Variants in TSHZ2 observed in about 807,000 individuals in gnomAD.
TSHZ2 encodes the protein teashirt homolog 2.
TSHZ2 carries 21 observed loss-of-function variants against 74.4 expected under a neutral mutation model. The ratio of observed to expected loss-of-function variants is 0.28; its 90% CI spans 0.20 to 0.41. The LOEUF (loss-of-function observed/expected upper bound fraction) is 0.41. Ranked by LOEUF, TSHZ2 falls within the 10% of genes least tolerant of loss-of-function variation. The pLI is 1.00. For synonymous variants in TSHZ2, 540 were observed against 515.3 expected (o/e 1.05, Z -0.65); for missense variants, 1,244 against 1,293.5 (o/e 0.96, Z 0.59).
intron 1 of TSHZ2, among the ~76,000 whole-genome samples, chr20:53,116,509 G>T (rs151123402): frequency 6.6e-6 from 1 of 151,946 alleles, no homozygotes; most frequent in Non-Finnish European, 1.5e-5. Context: ...TCCACCCCAC[G>T]GCTGGTACAC....
chr20:53,013,091 G>A (rs6022211), intron 1 of TSHZ2, among the ~76,000 whole-genome samples: 10,162 of 152,142 alleles, frequency 0.067, 344 homozygotes, highest in East Asian at 0.087. Context: ...TTTCATCTCA[G>A]TGTGATTGGA....
In TSHZ2 at chr20:53,095,121, G is replaced by C. The variant is rs548593311; in HGVS notation, c.40+121788G>C. Among the ~76,000 whole-genome samples the C allele has an allele frequency of 1.2e-4, 19 of 152,276 alleles. No homozygotes were observed. In the South Asian group the frequency reaches 3.9e-3, roughly 32 times the overall value. ...CAACTCAAAAGTCTAGGACAAGCTG[G>C]CTTCAGGTACTGCTGGTTCAAGCCA... On this transcript the variant is annotated intron_variant, in intron 1 of 2. Transcript: ENST00000371497.
At chr20:53,176,632 C>T (rs16997700) in intron 1 of TSHZ2, among the ~76,000 whole-genome samples, 2,064 of 151,874 alleles carry the variant, frequency 0.014, 46 homozygotes, top group African/African-American at 0.047. Context: ...GTGATTTAAT[C>T]AACATTGTTA....
chr20:53,347,584 C>T (rs1980486687), intron 2 of TSHZ2, among the ~76,000 whole-genome samples: 2 of 152,058 alleles, frequency 1.3e-5, no homozygotes, highest in South Asian at 4.1e-4. Flanking sequence ...TCTGTCTCTA[C>T]TCAATAAACC....
Position 53,074,163 on chromosome 20 carries a change from T to C in TSHZ2, c.40+100830T>C, listed in dbSNP as rs998337661. Among the ~76,000 whole-genome samples the C allele has an allele frequency of 6.6e-6, 1 of 152,254 alleles. No homozygotes were observed. The highest frequency in any genetic ancestry group is 2.4e-5 in the African/African-American group (1 of 41,470). Reference sequence around the variant, plus strand: ...TATCTTTTAAACTGCTGTTCAAATGTCGCCTTCTCAATGGAGCCCTCCTTG... The same window carrying C: ...TATCTTTTAAACTGCTGTTCAAATGCCGCCTTCTCAATGGAGCCCTCCTTG... On this transcript the variant is annotated intron_variant, in intron 1 of 2. Transcript: ENST00000371497. This position sits in a 1 kb window ranked among gnomAD's most constrained non-coding sequence, Gnocchi z 5.9.
chr20:53,402,955 A>AT (rs1169707554), intron 2 of TSHZ2, among the ~76,000 whole-genome samples: 2 of 152,154 alleles, frequency 1.3e-5, no homozygotes, highest in African/African-American at 4.8e-5. Flanking sequence ...TTCAGCTTTT[A>AT]TTTCAGATAC....
intron 1 of TSHZ2, among the ~76,000 whole-genome samples, chr20:53,158,746 G>A (rs1462437633): frequency 1.3e-5 from 2 of 152,144 alleles, no homozygotes; most frequent in African/African-American, 4.8e-5. Flanking sequence ...CCCAACCATG[G>A]AGGGACAAGC....
chr20:53,418,791 G>A (rs1313613681), intron 2 of TSHZ2, among the ~76,000 whole-genome samples: 1 of 152,100 alleles, frequency 6.6e-6, no homozygotes, highest in Non-Finnish European at 1.5e-5. Flanking sequence ...ACCTGAACCT[G>A]AAGTACTCTC....
chr20:53,232,517 C>T (rs969907307), intron 1 of TSHZ2, among the ~76,000 whole-genome samples: 2 of 152,146 alleles, frequency 1.3e-5, no homozygotes, highest in African/African-American at 2.4e-5. Context: ...GACATTTCTG[C>T]AGAAACTTAG....
chr20:53,230,164 T>C (rs558980921), intron 1 of TSHZ2, among the ~76,000 whole-genome samples: 49 of 152,186 alleles, frequency 3.2e-4, no homozygotes, highest in Admixed American at 7.2e-4. Flanking sequence ...CATTTGCTTT[T>C]TTCATATATT....
intron 1 of TSHZ2, among the ~76,000 whole-genome samples, chr20:53,243,395 T>C (rs1367807415): frequency 6.6e-6 from 1 of 152,160 alleles, no homozygotes; most frequent in East Asian, 1.9e-4. Context: ...GACAGAAGTG[T>C]TGATGAAGAG....
intron 1 of TSHZ2, among the ~76,000 whole-genome samples, chr20:53,110,074 C>T (rs185757238): frequency 1.3e-5 from 2 of 152,260 alleles, no homozygotes; most frequent in South Asian, 2.1e-4. Context: ...AAAATCAGGG[C>T]GTTTCAGCAT....
intron 1 of TSHZ2, among the ~76,000 whole-genome samples, chr20:53,108,680 T>C (rs993133528): frequency 2.0e-5 from 3 of 152,190 alleles, no homozygotes; most frequent in African/African-American, 7.2e-5. Context: ...AAATAATCCA[T>C]CCTTGGTTTA....
At chr20:52,983,339 T>A (rs6022198) in intron 1 of TSHZ2, among the ~76,000 whole-genome samples, 14,920 of 152,252 alleles carry the variant, frequency 0.098, 802 homozygotes, top group South Asian at 0.15. Flanking sequence ...TTTACATGGG[T>A]TCTTCCTCAC....
At chr20:53,290,532 G>T in intron 2 of TSHZ2, among the ~76,000 whole-genome samples, 1 of 151,972 alleles carries the variant, frequency 6.6e-6, no homozygotes, top group East Asian at 1.9e-4. Context: ...GTTTATTGGG[G>T]AATAAAAGTA....
intron 1 of TSHZ2, among the ~76,000 whole-genome samples, chr20:52,995,635 CAT>C (rs1424026939): frequency 2.3e-5 from 3 of 133,116 alleles, no homozygotes; most frequent in African/African-American, 8.6e-5. Context: ...TTTTTTGAGA[CAT>C]AGTCTCGCTC....
chr20:53,231,161 A>T (rs1160035009), intron 1 of TSHZ2, among the ~76,000 whole-genome samples: 1 of 152,170 alleles, frequency 6.6e-6, no homozygotes, highest in Non-Finnish European at 1.5e-5. Flanking sequence ...AGCCCTAGAC[A>T]TGTCTGCAGT....
intron 1 of TSHZ2, among the ~76,000 whole-genome samples, chr20:52,986,444 TCAGGG>T (rs1032623400): frequency 6.8e-6 from 1 of 147,214 alleles, no homozygotes; most frequent in Non-Finnish European, 1.5e-5. Context: ...AATAATAATC[TCAGGG>T]CAGGGCATGG....
chr20:53,332,776 C>T (rs189983696), intron 2 of TSHZ2, among the ~76,000 whole-genome samples: 12 of 152,238 alleles, frequency 7.9e-5, no homozygotes, highest in East Asian at 5.8e-4. Context: ...GATGAGAAGG[C>T]GCAGAGACCT....
Sources: allele counts gnomAD v4.1 joint callset (sites outside exome capture counted in the v4.1 genomes callset), GRCh38; gene constraint gnomAD v4.1.1; non-coding constraint Gnocchi (gnomAD v3.1); transcripts MANE v1.5; gene names NCBI Gene and HGNC (gene_info 2026-07-23, HGNC 2026-07-21).